Variants in MCF2L observed in about 807,000 individuals in gnomAD.
MCF2L encodes guanine nucleotide exchange factor DBS.
Under a neutral mutation model 153.4 loss-of-function variants are expected in MCF2L, and 97 were observed. The ratio of observed to expected loss-of-function variants is 0.63; its 90% CI spans 0.54 to 0.75. MCF2L has a LOEUF of 0.75. Ranked by LOEUF, MCF2L falls within the 30% of genes least tolerant of loss-of-function variation. The pLI, the probability that MCF2L is intolerant of heterozygous loss-of-function variation, is 0.00. For missense variants in MCF2L, 1,347 were observed against 1,495.2 expected, an observed-to-expected ratio of 0.90 and a Z score of 1.64; for synonymous variants, 659 against 632.2, an observed-to-expected ratio of 1.04 and a Z score of -0.64.
chr13:113,024,008 G>C (rs2085069171), intron 2 of MCF2L, among the ~76,000 whole-genome samples: 1 of 152,258 alleles, frequency 6.6e-6, no homozygotes, highest in South Asian at 2.1e-4. Flanking sequence ...GCCAGACCCA[G>C]GCTCGGGGGA....
In MCF2L at chr13:112,983,556, G is replaced by GTTC; in HGVS notation, c.79+14098_79+14099insTTC. ...CCCATCTCCAAAGCCCGTGGTGCTG[G>GTTC]GCACGGCAGAGCCGTAGGCGGAGAC... On this transcript the variant is annotated intron_variant, in intron 1 of 29. Transcript: ENST00000535094. The surrounding 1 kb of genome is among the most constrained non-coding windows in gnomAD (Gnocchi z 4.0). Among the ~76,000 whole-genome samples the GTTC allele has an allele frequency of 6.6e-6, 1 of 152,352 alleles. No homozygotes were observed. The highest frequency in any genetic ancestry group is 6.5e-5 in the Admixed American group (1 of 15,312).
At position 112,972,375 on chromosome 13, in the gene MCF2L, AT is replaced by A. The variant is rs2082069530; in HGVS notation, c.79+2918del. ...TGTAAGTGGGTGGATGGATGGATGG[AT>A]GGATGGATGGATGGATAAATGAGTT... On this transcript the variant is annotated intron_variant, in intron 1 of 29. Coordinates refer to ENST00000535094, the MANE Select transcript of MCF2L (RefSeq NM_001112732.3). Among the ~76,000 whole-genome samples the A allele has an allele frequency of 2.1e-5, 3 of 141,726 alleles. 1 individual carries two copies. In the South Asian group the frequency reaches 7.2e-4, roughly 34 times the overall value. 93.0% of individuals were successfully genotyped at this position (141,726 alleles called of 152,430 possible). A position where few individuals can be genotyped will look rare whatever the true frequency, so the allele number is the denominator to read the frequency against.
At chr13:113,047,315 C>CT (rs1289782195) in intron 4 of MCF2L, 4 of 152,198 alleles carry the variant, frequency 2.6e-5, no homozygotes, top group Admixed American at 1.3e-4. Flanking sequence ...GCAGAAAGTT[C>CT]TTTAGATAAA....
At chr13:112,944,703 G>T (rs1322141593) in intron 2 of MCF2L, among the ~76,000 whole-genome samples, 1 of 151,874 alleles carries the variant, frequency 6.6e-6, no homozygotes, top group East Asian at 1.9e-4. Context: ...AGCCAGGATG[G>T]TCTCGATCTC....
rs988735651 is a variant in MCF2L, at chr13:113,041,861, C to T, written c.279-3410C>T. On this transcript the variant is annotated intron_variant, in intron 3 of 29. Transcript: ENST00000535094. ...CCTGCTTGGTGGGAACATTAGGAGGCCGCCAGGGTGGACGTGGCCTTAGGG... is the reference window on the plus strand; with the variant it reads ...CCTGCTTGGTGGGAACATTAGGAGGTCGCCAGGGTGGACGTGGCCTTAGGG... 2.0e-5 allele frequency among the ~76,000 whole-genome samples: 3 copies of T among 152,224 alleles called. 1 individual carries two copies. Among genetic ancestry groups the T allele is most frequent in the African/African-American group, 4.8e-5 (2 of 41,534 alleles).
chr13:113,017,007 T>C (rs574510630), intron 2 of MCF2L, among the ~76,000 whole-genome samples: 149 of 152,336 alleles, frequency 9.8e-4, no homozygotes, highest in Non-Finnish European at 1.7e-3. Context: ...CACACCACGC[T>C]GTTCTCAGGA....
intron 27 of MCF2L, chr13:113,095,992 A>C: frequency 2.7e-6 from 1 of 367,984 alleles, no homozygotes; most frequent in South Asian, 2.8e-5. Flanking sequence ...AGGGCAGAGG[A>C]CGGGCGAGTC....
Position 113,064,800 on chromosome 13 carries a change from C to T in MCF2L, c.607-136C>T, listed in dbSNP as rs894396388. The T allele has an allele frequency of 7.8e-6, 7 of 894,482 alleles. No homozygotes were observed. Among genetic ancestry groups the T allele is most frequent in the South Asian group, 5.2e-5 (3 of 57,966 alleles). 55.4% of individuals were successfully genotyped at this position (894,482 alleles called of 1,614,324 possible). ...AGGAGGGCAGGACGCTATGGGAGGG[C>T]GTTCACCGTCTTTGCGTCAGCCGGT... is the stretch of plus-strand genomic sequence containing the variant. On this transcript the variant is annotated intron_variant, in intron 6 of 29. Transcript: ENST00000535094. This position sits in a 1 kb window ranked among gnomAD's most constrained non-coding sequence, Gnocchi z 6.0.
At chr13:112,936,071 G>A (rs955380241) in intron 2 of MCF2L, among the ~76,000 whole-genome samples, 2 of 152,108 alleles carry the variant, frequency 1.3e-5, no homozygotes, top group Non-Finnish European at 2.9e-5. Context: ...CCTGAGGTCA[G>A]GAGTTCAAGA....
intron 2 of MCF2L, among the ~76,000 whole-genome samples, chr13:112,935,670 T>C (rs1264786878): frequency 1.3e-5 from 2 of 152,188 alleles, no homozygotes; most frequent in Non-Finnish European, 2.9e-5. Flanking sequence ...GTTTGGTAGG[T>C]CGAGTGTATT....
chr13:112,987,098 G>A (rs994365696), intron 1 of MCF2L, among the ~76,000 whole-genome samples: 12 of 152,154 alleles, frequency 7.9e-5, no homozygotes, highest in African/African-American at 2.4e-4. Context: ...GATGGCACCC[G>A]GTGAACTCAC....
chr13:113,016,511 G>C (rs2084524926), intron 2 of MCF2L, among the ~76,000 whole-genome samples: 1 of 152,154 alleles, frequency 6.6e-6, no homozygotes, highest in African/African-American at 2.4e-5. Context: ...CCCGCAAGCT[G>C]ATAAGTGCCT....
chr13:112,965,900 T>G (rs907955355), upstream of MCF2L: 1 of 152,158 alleles, frequency 6.6e-6, no homozygotes, highest in Non-Finnish European at 1.5e-5. Context: ...CTTACCTAAG[T>G]GTCCTGGGTC....
chr13:113,082,231 C>T (rs1403234721), intron 16 of MCF2L, among the ~76,000 whole-genome samples, 196 bp from the exon 17 acceptor site: 1 of 152,232 alleles, frequency 6.6e-6, no homozygotes, highest in African/African-American at 2.4e-5. Flanking sequence ...GGTAGAACCT[C>T]CACCCCATTC....
chr13:112,976,698 C>T (rs1032867493), intron 1 of MCF2L, among the ~76,000 whole-genome samples: 1 of 152,200 alleles, frequency 6.6e-6, no homozygotes, highest in Non-Finnish European at 1.5e-5. Context: ...TGGCGGGTCC[C>T]GGGCTGGGAC....
At chr13:112,997,849 G>C (rs1229074005) in intron 1 of MCF2L, among the ~76,000 whole-genome samples, 1 of 152,258 alleles carries the variant, frequency 6.6e-6, no homozygotes, top group Non-Finnish European at 1.5e-5. Flanking sequence ...GTTCAGAGCT[G>C]CTGATCTGGG....
chr13:113,014,006 C>T (rs1380718381), intron 1 of MCF2L, among the ~76,000 whole-genome samples: 1 of 152,044 alleles, frequency 6.6e-6, no homozygotes, highest in African/African-American at 2.4e-5. Flanking sequence ...GCCCCGTGCT[C>T]CTGGCTGGTG....
At chr13:112,936,856 T>C (rs908237961) in intron 2 of MCF2L, among the ~76,000 whole-genome samples, 2 of 152,152 alleles carry the variant, frequency 1.3e-5, no homozygotes, top group Non-Finnish European at 2.9e-5. Context: ...CCTAATACAA[T>C]GTAAATGCCG....
In MCF2L at chr13:113,053,635, T is replaced by C. The variant is rs191896294; in HGVS notation, c.370-6958T>C. ...CGGGGCGAAGGTCCCGTGGCTGAGG[T>C]GTCCACTGACCGTTTCTGCCTGAAT... On this transcript the variant is annotated intron_variant, in intron 4 of 29. Coordinates refer to ENST00000535094, the MANE Select transcript of MCF2L (RefSeq NM_001112732.3). The surrounding 1 kb of genome is among the most constrained non-coding windows in gnomAD (Gnocchi z 4.4). 5.3e-5 allele frequency among the ~76,000 whole-genome samples: 8 copies of C among 152,266 alleles called. No homozygotes were observed. The highest frequency in any genetic ancestry group is 1.9e-4 in the African/African-American group (8 of 41,568).
Sources: allele counts gnomAD v4.1 joint callset (sites outside exome capture counted in the v4.1 genomes callset), GRCh38; gene constraint gnomAD v4.1.1; non-coding constraint Gnocchi (gnomAD v3.1); transcripts MANE v1.5; gene names NCBI Gene and HGNC (gene_info 2026-07-23, HGNC 2026-07-21).